Variants in ZNF473 observed in about 807,000 individuals in gnomAD.
ZNF473 encodes the protein zinc finger protein 100 homolog.
Under a neutral mutation model 11.1 loss-of-function variants are expected in ZNF473, and 4 were observed. The observed-to-expected ratio is 0.36, with a 90% CI of 0.18 to 0.82. The LOEUF (loss-of-function observed/expected upper bound fraction) is 0.82, where lower values mean the gene tolerates loss of function less well. ZNF473 is among the 40% of genes least tolerant of loss of function. The pLI is 0.49. For missense variants in ZNF473, 854 were observed against 1,084.0 expected (o/e 0.79, Z 2.98); for synonymous variants, 404 against 390.4 (o/e 1.03, Z -0.41).
intron 1 of ZNF473, among the ~76,000 whole-genome samples, chr19:50,028,311 A>C (rs967924194): frequency 1.0e-4 from 15 of 146,044 alleles, no homozygotes; most frequent in Non-Finnish European, 2.1e-4. Flanking sequence ...AAAAAAAAAA[A>C]AAACAAATTT....
At chr19:50,026,449 G>A (rs1230476704) in intron 1 of ZNF473, among the ~76,000 whole-genome samples, 1 of 151,988 alleles carries the variant, frequency 6.6e-6, no homozygotes, top group African/African-American at 2.4e-5. Context: ...TACTCAGGAG[G>A]CTGAGGCAGG....
At chr19:50,035,857 T>G (rs1221148877) in intron 2 of ZNF473, among the ~76,000 whole-genome samples, 1 of 152,200 alleles carries the variant, frequency 6.6e-6, no homozygotes, top group East Asian at 1.9e-4. Flanking sequence ...ACTCTAAAGC[T>G]GAGCCTCTAA....
intron 2 of ZNF473, among the ~76,000 whole-genome samples, chr19:50,035,148 C>T (rs1028569657): frequency 3.3e-5 from 5 of 151,882 alleles, no homozygotes; most frequent in African/African-American, 1.2e-4. Flanking sequence ...AAAAATTAGC[C>T]AGGTGTGGTG....
chr19:50,034,306 G>A (rs1266614176), intron 2 of ZNF473, among the ~76,000 whole-genome samples: 1 of 152,066 alleles, frequency 6.6e-6, no homozygotes, highest in African/African-American at 2.4e-5. Flanking sequence ...TATCAAACTG[G>A]CCTTTTTCCT....
intron 2 of ZNF473, among the ~76,000 whole-genome samples, chr19:50,037,146 T>C (rs1978491763): frequency 6.6e-6 from 1 of 152,076 alleles, no homozygotes; most frequent in Non-Finnish European, 1.5e-5. Flanking sequence ...CAGAGTGGAA[T>C]TGCCCCTTTG....
intron 1 of ZNF473, among the ~76,000 whole-genome samples, chr19:50,028,024 T>C (rs28677916): frequency 0.053 from 7,975 of 150,940 alleles, 692 homozygotes; most frequent in African/African-American, 0.18. Flanking sequence ...TTTGGCCGGG[T>C]GTGGTGGCTC....
intron 4 of ZNF473, chr19:50,043,448 A>AAAATATAT (rs1259545565): frequency 2.8e-5 from 3 of 107,916 alleles, no homozygotes; most frequent in African/African-American, 3.9e-5. Context: ...AAAAAAAAAA[A>AAAATATAT]ATATATATAT....
intron 2 of ZNF473, among the ~76,000 whole-genome samples, chr19:50,038,009 ATTTT>A (rs11462425): frequency 2.2e-5 from 3 of 134,926 alleles, no homozygotes; most frequent in African/African-American, 8.2e-5. Context: ...ATAGTAGAAA[ATTTT>A]TTTTTTTTTT....
rs1227053802 is a variant in ZNF473 at position 50,046,798 on chromosome 19, C to G, written c.2355C>G (p.Pro785=). ...GGAGAGTTCACACTGGGGAGAAGCC[C>G]TACAGATGTGGTGAATGTGGGAAAG... ...IHRRVHTGEK[P]YRCGECGKAF... Residue 785 remains proline (P), a synonymous_variant, in exon 5 of 5, where the codon CCC becomes CCG. Coordinates refer to ENST00000270617, the MANE Select transcript of ZNF473 (RefSeq NM_015428.4). The surrounding 1 kb of genome is among the most constrained non-coding windows in gnomAD (Gnocchi z 5.9). 6 of 1,614,138 alleles carry G rather than the reference C, an allele frequency of 3.7e-6. No homozygotes were observed. Among genetic ancestry groups the G allele is most frequent in the Non-Finnish European group, 5.1e-6 (6 of 1,179,992 alleles).
chr19:50,031,567 C>G (rs887681491), intron 2 of ZNF473, among the ~76,000 whole-genome samples: 1 of 152,130 alleles, frequency 6.6e-6, no homozygotes, highest in African/African-American at 2.4e-5. Flanking sequence ...TCAGTTCCCC[C>G]ACCCTTCCCT....
chr19:50,045,335 G>A lies in ZNF473; in HGVS notation c.892G>A (p.Asp298Asn). The part of the protein sequence containing the change: ...GEKPCKSQDS[D>N]HPPSHDTQPG... ...AAAACCATGTAAGAGTCAAGATAGT[G>A]ACCACCCACCCAGTCATGACACACA... is the stretch of plus-strand genomic sequence containing the variant. Residue 298 changes from aspartate (D) to asparagine (N), a missense_variant, in exon 5 of 5, where the codon GAC becomes AAC. Physicochemically the swap from Asp to Asn is conservative, Grantham distance 23. This residue lies in a region of ZNF473 where 668 missense variants were observed against 790.2 expected (regional missense o/e 0.85). Transcript: ENST00000270617. 6.2e-7 allele frequency: 1 copy of A among 1,614,084 alleles called. No individual in the cohort carries two copies. The highest frequency in any genetic ancestry group is 8.5e-7 in the Non-Finnish European group (1 of 1,180,024).
chr19:50,043,798 T>G (rs1600761147), intron 4 of ZNF473, among the ~76,000 whole-genome samples: 1 of 152,102 alleles, frequency 6.6e-6, no homozygotes, highest in East Asian at 1.9e-4. Context: ...GGCAGGGGAC[T>G]TAAAGCAGAA....
intron 2 of ZNF473, among the ~76,000 whole-genome samples, chr19:50,038,289 T>G (rs900590274): frequency 3.5e-4 from 52 of 150,664 alleles, no homozygotes; most frequent in African/African-American, 1.3e-3. Context: ...ACTAGGAAAG[T>G]CTTAAAATGA....
chr19:50,026,696 C>A (rs963822198), intron 1 of ZNF473, among the ~76,000 whole-genome samples: 1 of 151,360 alleles, frequency 6.6e-6, no homozygotes, highest in Non-Finnish European at 1.5e-5. Flanking sequence ...GAAAAATTAG[C>A]CGGGCGTGGT....
rs2077270315 is a variant in ZNF473 at position 50,026,050 on chromosome 19, T to C, written c.-264T>C. 4.6e-5 allele frequency: 7 copies of C among 152,676 alleles called. No homozygotes were observed. Among genetic ancestry groups the C allele is most frequent in the Admixed American group, 4.6e-4 (7 of 15,282 alleles). The allele number at this position is 152,676 out of a possible 1,614,324, so 9.5% of individuals were successfully genotyped here. A position where few individuals can be genotyped will look rare whatever the true frequency, so the allele number is the denominator to read the frequency against. On this transcript the variant is annotated 5_prime_UTR_variant, in exon 1 of 5. Transcript: ENST00000270617. ...GGAAGTCGCTGCGAGGAGGCGCGTGTGCGGGGAGTTGAATCTCCCGCTCCC... is the reference window on the plus strand; with the variant it reads ...GGAAGTCGCTGCGAGGAGGCGCGTGCGCGGGGAGTTGAATCTCCCGCTCCC...
At position 50,044,703 on chromosome 19, in the gene ZNF473, A is replaced by C; in HGVS notation, c.260A>C (p.Glu87Ala). Residue 87 changes from glutamate to alanine, a missense_variant, in exon 5 of 5, where the codon GAG becomes GCG. By Grantham distance (107) the Glu-to-Ala change is moderately radical (BLOSUM62 -1). Transcript: ENST00000270617. Reference protein sequence around the residue: ...VTETKNSPLMEDFFEEGFSQE... With the variant: ...VTETKNSPLMADFFEEGFSQE... ...GAGACCAAGAACTCTCCTCTGATGG[A>C]GGATTTCTTCGAAGAAGGATTCTCC... is the stretch of plus-strand genomic sequence containing the variant. 1.9e-6 allele frequency: 3 copies of C among 1,613,072 alleles called. No individual in the cohort carries two copies. Among genetic ancestry groups the C allele is most frequent in the Non-Finnish European group, 2.5e-6 (3 of 1,179,550 alleles).
chr19:50,042,949 G>A (rs901444712), intron 4 of ZNF473, among the ~76,000 whole-genome samples: 1 of 152,184 alleles, frequency 6.6e-6, no homozygotes, highest in Admixed American at 6.5e-5. Flanking sequence ...TCATTTGCAA[G>A]TTTTAATTCC....
chr19:50,035,385 G>C (rs1741910311), intron 2 of ZNF473, among the ~76,000 whole-genome samples: 1 of 150,992 alleles, frequency 6.6e-6, no homozygotes, highest in African/African-American at 2.4e-5. Flanking sequence ...TTATTTGCTA[G>C]TTTTCACTAT....
intron 1 of ZNF473, among the ~76,000 whole-genome samples, chr19:50,026,615 T>C (rs1490912030): frequency 1.3e-5 from 2 of 151,226 alleles, no homozygotes; most frequent in African/African-American, 2.4e-5. Context: ...GCGGATCGCT[T>C]GAGCCCAGGA....
Sources: allele counts gnomAD v4.1 joint callset (sites outside exome capture counted in the v4.1 genomes callset), GRCh38; gene constraint gnomAD v4.1.1; regional missense constraint gnomAD v4.1.1; non-coding constraint Gnocchi (gnomAD v3.1); transcripts MANE v1.5; gene names NCBI Gene and HGNC (gene_info 2026-07-23, HGNC 2026-07-21).